TCF3: variants seen among roughly 807,000 people sequenced by gnomAD.
TCF3 encodes transcription factor E2-alpha.
A neutral mutation model predicts 72.3 loss-of-function variants in TCF3; 54 were observed. That is an observed-to-expected ratio of 0.75 (90% CI 0.60 to 0.94). The LOEUF is 0.94. Ranked by LOEUF, TCF3 falls within the 40% of genes least tolerant of loss-of-function variation. The pLI is 0.00. For missense variants in TCF3, 1,078 were observed against 934.4 expected, an observed-to-expected ratio of 1.15 and a Z score of -2.00; for synonymous variants, 525 against 412.6, an observed-to-expected ratio of 1.27 and a Z score of -3.30.
chr19:1,613,185 G>A (rs1340704829), intron 18 of TCF3, among the ~76,000 whole-genome samples: 3 of 152,198 alleles, frequency 2.0e-5, no homozygotes, highest in South Asian at 2.1e-4. Flanking sequence ...GTGAAAATGT[G>A]CTTCTCTGTG....
In TCF3 at chr19:1,610,299, CAGAG is replaced by C. The variant is rs2060893251; in HGVS notation, c.*1404_*1407del. 2 of 231,998 alleles carry C rather than the reference CAGAG, an allele frequency of 8.6e-6. No homozygotes were observed. Among genetic ancestry groups the C allele is most frequent in the South Asian group, 3.6e-4 (2 of 5,522 alleles). The allele number at this position is 231,998 out of a possible 1,614,324, so 14.4% of individuals were successfully genotyped here. A position where few individuals can be genotyped will look rare whatever the true frequency, so the allele number is the denominator to read the frequency against. Reference sequence around the variant, plus strand: ...CAGCCACTCTTGCCCTTGGACCACACAGAGGGAGGGCAGCAGGTGTGGCCCCAGG... The same window carrying C: ...CAGCCACTCTTGCCCTTGGACCACACGGAGGGCAGCAGGTGTGGCCCCAGG... On this transcript the variant is annotated 3_prime_UTR_variant, in exon 19 of 19. Transcript: ENST00000262965.
Position 1,624,491 on chromosome 19 carries a change from G to A in TCF3, c.500-491C>T, listed in dbSNP as rs79341587. 3.2e-3 allele frequency among the ~76,000 whole-genome samples: 481 copies of A among 152,284 alleles called. 4 individuals are homozygous for A. The highest frequency in any genetic ancestry group is 0.011 in the African/African-American group (440 of 41,538). ...AAGAACCACGATGGTTTTCTCCCGC[G>A]ACGCGCAGTTTGGAAAACGAGGAGT... On this transcript the variant is annotated intron_variant, in intron 7 of 18. Transcript: ENST00000262965.
At position 1,610,352 on chromosome 19, in the gene TCF3, G is replaced by T. The variant is rs781757987; in HGVS notation, c.*1355C>A. On this transcript the variant is annotated 3_prime_UTR_variant, in exon 19 of 19. Transcript: ENST00000262965. Reference sequence around the variant, plus strand: ...GGCCCAGGGATGCTCCCCAGCATTGGGGGAGGCTGGCCAGGCCCCTGGCAT... The same window carrying T: ...GGCCCAGGGATGCTCCCCAGCATTGTGGGAGGCTGGCCAGGCCCCTGGCAT... 4 of 231,642 alleles carry T rather than the reference G, an allele frequency of 1.7e-5. No individual in the cohort carries two copies. The highest frequency in any genetic ancestry group is 3.4e-5 in the Non-Finnish European group (4 of 117,230). 14.3% of individuals were successfully genotyped at this position (231,642 alleles called of 1,614,324 possible).
At chr19:1,621,773 C>T (rs568960009) in intron 11 of TCF3, 65 bp downstream of exon 11, 17 of 1,480,792 alleles carry the variant, frequency 1.1e-5, no homozygotes, top group South Asian at 6.8e-5. Context: ...CGCCACCCCC[C>T]ACCCAGACCC....
intron 5 of TCF3, among the ~76,000 whole-genome samples, chr19:1,631,600 C>T (rs1033947778): frequency 6.6e-6 from 1 of 152,012 alleles, no homozygotes; most frequent in Non-Finnish European, 1.5e-5. Context: ...AACAGGAGGG[C>T]CCCCCAGGGA....
intron 2 of TCF3, among the ~76,000 whole-genome samples, chr19:1,647,617 G>C (rs1490666397): frequency 3.3e-5 from 5 of 152,192 alleles, no homozygotes; most frequent in African/African-American, 1.2e-4. Context: ...CCCTCCCGCA[G>C]GCTCCGGTGC....
At chr19:1,619,750 A>AGGGGGGGGGGG (rs1555726055) in intron 14 of TCF3, 30 bp downstream of exon 14, 2 of 923,236 alleles carry the variant, frequency 2.2e-6, no homozygotes, top group East Asian at 2.8e-5. Flanking sequence ...CTGTCGGGGA[A>AGGGGGGGGGGG]GGGTGGGGTG....
rs868286785 is a variant in TCF3, at chr19:1,609,540, G to A, written c.*2167C>T. 11 of 220,566 alleles carry A rather than the reference G, an allele frequency of 5.0e-5. No homozygotes were observed. The highest frequency in any genetic ancestry group is 3.7e-4 in the South Asian group (2 of 5,424). The allele number at this position is 220,566 out of a possible 1,614,324, so 13.7% of individuals were successfully genotyped here. A position where few individuals can be genotyped will look rare whatever the true frequency, so the allele number is the denominator to read the frequency against. On this transcript the variant is annotated 3_prime_UTR_variant, in exon 19 of 19. Transcript: ENST00000262965. ...TTCCTCCTCGCGCTGGGTGAATCTCGTTTGAATTCTATGCAGAACGCACAG... is the reference window on the plus strand; with the variant it reads ...TTCCTCCTCGCGCTGGGTGAATCTCATTTGAATTCTATGCAGAACGCACAG...
chr19:1,615,953 A>C lies in TCF3; in HGVS notation c.1451-132T>G, dbSNP rs2061508859. The C allele has an allele frequency of 1.8e-6, 2 of 1,139,666 alleles. No individual in the cohort carries two copies. Among genetic ancestry groups the C allele is most frequent in the African/African-American group, 1.6e-5 (1 of 63,844 alleles). 70.6% of individuals were successfully genotyped at this position (1,139,666 alleles called of 1,614,324 possible). ...TCTTGGCCAAAAATAAAAACAAAAA[A>C]CCAACAACCAGAACTGGATCCCTAC... is the stretch of plus-strand genomic sequence containing the variant. On this transcript the variant is annotated intron_variant, in intron 16 of 18. Coordinates refer to ENST00000262965, the MANE Select transcript of TCF3 (RefSeq NM_003200.5). This position sits in a 1 kb window ranked among gnomAD's most constrained non-coding sequence, Gnocchi z 7.3.
intron 3 of TCF3, among the ~76,000 whole-genome samples, chr19:1,642,128 CTA>C (rs1491108165): frequency 1.2e-5 from 1 of 86,172 alleles, no homozygotes; most frequent in Admixed American, 1.5e-4. Flanking sequence ...CTGCACAGAA[CTA>C]CACACACACA....
At chr19:1,628,612 G>A (rs1599746043) in intron 5 of TCF3, among the ~76,000 whole-genome samples, 1 of 9,040 alleles carries the variant, frequency 1.1e-4, no homozygotes, top group Admixed American at 1.4e-3. Flanking sequence ...GGTGAGGCGG[G>A]AAGGGGACAG....
rs10674333 is a variant in TCF3 at position 1,639,751 on chromosome 19, GAAAAAA to G, written c.145+6598_145+6603del. Among the ~76,000 whole-genome samples the G allele has an allele frequency of 1.5e-3, 81 of 54,188 alleles. 1 individual carries two copies. Among genetic ancestry groups the G allele is most frequent in the Admixed American group, 5.8e-3 (26 of 4,464 alleles). The allele number at this position is 54,188 out of a possible 152,430, so 35.5% of individuals were successfully genotyped here. A position where few individuals can be genotyped will look rare whatever the true frequency, so the allele number is the denominator to read the frequency against. ...CAACCTGACCTGAAGAGGAAATTAG[GAAAAAA>G]AAAAAAAAAAAAAAAAAGGAACAAA... is the stretch of plus-strand genomic sequence containing the variant. On this transcript the variant is annotated intron_variant, in intron 3 of 18. Transcript: ENST00000262965.
intron 5 of TCF3, among the ~76,000 whole-genome samples, chr19:1,629,367 G>A (rs564019054): frequency 1.7e-4 from 26 of 151,948 alleles, no homozygotes; most frequent in Non-Finnish European, 3.1e-4. Flanking sequence ...TCAGGCCAGG[G>A]TTCATTCGCG....
At chr19:1,622,278 T>C in intron 9 of TCF3, 35 bp downstream of exon 9, 1 of 1,505,250 alleles carries the variant, frequency 6.6e-7, no homozygotes, top group South Asian at 1.3e-5. Flanking sequence ...AGCCCTGCCC[T>C]ACCGTCCCTG....
At chr19:1,635,979 T>C (rs1285212298) in intron 3 of TCF3, among the ~76,000 whole-genome samples, 3 of 152,158 alleles carry the variant, frequency 2.0e-5, no homozygotes, top group South Asian at 2.1e-4. Context: ...TTCCTCCTTA[T>C]AATTAAAATC....
rs1169669578 is a variant in TCF3 at position 1,650,262 on chromosome 19, G to C, written c.-14C>G. 6.4e-7 allele frequency: 1 copy of C among 1,556,304 alleles called. No homozygotes were observed. Among genetic ancestry groups the C allele is most frequent in the Non-Finnish European group, 8.7e-7 (1 of 1,151,588 alleles). On this transcript the variant is annotated 5_prime_UTR_variant, in exon 2 of 19. Transcript: ENST00000262965. ...CGGCTGGTTCATTCTCCTGGGGCCA[G>C]GGCGGGCACCTCAGGCCTGGAAACC...
intron 1 of TCF3, chr19:1,651,478 T>C: frequency 4.5e-6 from 1 of 224,276 alleles, no homozygotes; most frequent in Non-Finnish European, 8.9e-6. Context: ...AACCGCACTT[T>C]TTTGTGGGGT....
chr19:1,650,227 C>A lies in TCF3; in HGVS notation c.22G>T (p.Ala8Ser), dbSNP rs147133056. Residue 8 changes from alanine (A) to serine (S), a missense_variant, in exon 2 of 19, where the codon GCG becomes TCG. Transcript: ENST00000262965. ...AGCTCCTTGTCTGTGCCCACAGGCG[C>A]CATCCTCTGCGGCTGGTTCATTCTC... The part of the protein sequence containing the change: MNQPQRM[A>S]PVGTDKELSD... 2.1e-3 allele frequency: 3,326 copies of A among 1,569,908 alleles called. 6 individuals are homozygous for A. The highest frequency in any genetic ancestry group is 2.7e-3 in the Non-Finnish European group (3,115 of 1,158,618).
chr19:1,612,228 C>G lies in TCF3; in HGVS notation c.1823-379G>C. On this transcript the variant is annotated intron_variant, in intron 18 of 18. Coordinates refer to ENST00000262965, the MANE Select transcript of TCF3 (RefSeq NM_003200.5). Reference sequence around the variant, plus strand: ...CTACCTCGCACCTGCTGCTCCAGCCCCAGGATGACCTGCACGGCCTGCTGC... The same window carrying G: ...CTACCTCGCACCTGCTGCTCCAGCCGCAGGATGACCTGCACGGCCTGCTGC... 1.9e-6 allele frequency: 3 copies of G among 1,593,572 alleles called. No homozygotes were observed. Among genetic ancestry groups the G allele is most frequent in the Non-Finnish European group, 2.6e-6 (3 of 1,166,622 alleles).
Sources: gnomAD v4.1 joint callset for allele counts (sites outside exome capture counted in the v4.1 genomes callset) on GRCh38, gnomAD v4.1.1 for gene constraint, Gnocchi (gnomAD v3.1) non-coding constraint, MANE v1.5 for transcripts, NCBI Gene and HGNC (gene_info 2026-07-23, HGNC 2026-07-21) for gene names.